Variants in IL1RAP observed in about 807,000 individuals in gnomAD.
The protein encoded by IL1RAP is interleukin 1 receptor accessory protein.
A neutral mutation model predicts 60.7 loss-of-function variants in IL1RAP; 35 were observed. The observed-to-expected ratio is 0.58, with a 90% CI of 0.44 to 0.76. The LOEUF is 0.76. IL1RAP is among the 30% of genes least tolerant of loss of function. The pLI is 0.00. For missense variants in IL1RAP, 572 were observed against 693.9 expected (o/e 0.82, Z 1.97); for synonymous variants, 268 against 250.9 (o/e 1.07, Z -0.64).
chr3:190,544,669 C>G (rs1724220944), intron 1 of IL1RAP, among the ~76,000 whole-genome samples: 1 of 152,140 alleles, frequency 6.6e-6, no homozygotes, highest in Non-Finnish European at 1.5e-5. Context: ...CATTTCCAAA[C>G]TGTGGCAAGG....
intron 2 of IL1RAP, among the ~76,000 whole-genome samples, chr3:190,562,452 C>T (rs1000202292): frequency 2.6e-5 from 4 of 151,854 alleles, no homozygotes; most frequent in Non-Finnish European, 5.9e-5. Context: ...CTTTTTATCT[C>T]TTAAGTGTCT....
rs775480792 is a variant in IL1RAP, at chr3:190,623,341, C to T, written c.704-3C>T. ...TCTCCCTTTTTTATTTCCTCTAACA[C>T]AGGCTCTCCAAAAAATGCAGTGCCC... On this transcript the variant is annotated splice_region_variant and splice_polypyrimidine_tract_variant and intron_variant, in intron 6 of 11. Transcript: ENST00000447382. 6 of 1,610,812 alleles carry T rather than the reference C, an allele frequency of 3.7e-6. No homozygotes were observed. In the Admixed American group the frequency reaches 6.7e-5, roughly 18 times the overall value.
In IL1RAP at chr3:190,604,292, C is replaced by T. The variant is rs1448946594; in HGVS notation, c.229C>T (p.Arg77Trp). ...TLIWYWTRQD[R>W]DLEEPINFRL... ...GATCTGGTATTGGACTAGGCAGGACCGGGACCTTGAGGAGCCAATTAACTT... is the reference window on the plus strand; with the variant it reads ...GATCTGGTATTGGACTAGGCAGGACTGGGACCTTGAGGAGCCAATTAACTT... Residue 77 changes from arginine (R) to tryptophan (W), a missense_variant, in exon 4 of 12, where the codon CGG becomes TGG. Physicochemically the swap from Arg to Trp is moderately radical, Grantham distance 101. Transcript: ENST00000447382. The T allele has an allele frequency of 4.3e-6, 7 of 1,613,758 alleles. No homozygotes were observed. The highest frequency in any genetic ancestry group is 3.3e-5 in the Admixed American group (2 of 59,966).
chr3:190,605,860 A>C (rs1005040094), intron 4 of IL1RAP, among the ~76,000 whole-genome samples: 80 of 152,260 alleles, frequency 5.3e-4, no homozygotes, highest in African/African-American at 1.9e-3. Flanking sequence ...GTCACATTCT[A>C]ATGTACTGTG....
chr3:190,624,148 G>A (rs1476407055), intron 7 of IL1RAP, among the ~76,000 whole-genome samples: 2 of 152,354 alleles, frequency 1.3e-5, no homozygotes, highest in South Asian at 2.1e-4. Context: ...ATTGCAGATA[G>A]CAATCCAGGA....
chr3:190,556,755 C>T (rs1402463295), intron 2 of IL1RAP, among the ~76,000 whole-genome samples: 1 of 152,156 alleles, frequency 6.6e-6, no homozygotes, highest in African/African-American at 2.4e-5. Context: ...AATTTGGGCT[C>T]TTTTTTGTAA....
chr3:190,575,336 T>C (rs1727344941), intron 3 of IL1RAP, among the ~76,000 whole-genome samples: 1 of 152,206 alleles, frequency 6.6e-6, no homozygotes, highest in African/African-American at 2.4e-5. Flanking sequence ...AAAAATTATC[T>C]TTGCCCTCAT....
chr3:190,536,922 T>A (rs1434687135), intron 1 of IL1RAP, among the ~76,000 whole-genome samples: 2 of 152,092 alleles, frequency 1.3e-5, no homozygotes, highest in African/African-American at 4.8e-5. Context: ...AATGAAAGAG[T>A]CTGAGTCTAG....
chr3:190,648,654 G>T lies in IL1RAP; in HGVS notation c.1662G>T (p.Arg554=), dbSNP rs1416695786. 6.2e-7 allele frequency: 1 copy of T among 1,613,958 alleles called. No homozygotes were observed. The highest frequency in any genetic ancestry group is 1.3e-5 in the African/African-American group (1 of 74,902). ...TGCCAGTGAAGAAAAGTCCCAGGCG[G>T]TCTAGCAGTGATGAGCAGGGCCTCT... ...VAMPVKKSPR[R]SSSDEQGLSY... Residue 554 remains arginine, a synonymous_variant, in exon 12 of 12, where the codon CGG becomes CGT. Transcript: ENST00000447382.
At chr3:190,604,512 C>T (rs564428926) in intron 4 of IL1RAP, 99 bp downstream of exon 4, 10 of 1,252,846 alleles carry the variant, frequency 8.0e-6, no homozygotes, top group Admixed American at 4.9e-5. Flanking sequence ...AAGTCGGAAG[C>T]ATTTAGATAG....
chr3:190,565,208 C>T (rs1320153818), intron 3 of IL1RAP, among the ~76,000 whole-genome samples: 2 of 151,334 alleles, frequency 1.3e-5, no homozygotes, highest in African/African-American at 4.8e-5. Flanking sequence ...ACAAAACAAC[C>T]AAAACCTAAT....
At chr3:190,564,629 T>C (rs1407482480) in intron 3 of IL1RAP, 2 of 381,976 alleles carry the variant, frequency 5.2e-6, no homozygotes, top group Non-Finnish European at 9.7e-6. Context: ...CCAACTAGAA[T>C]ATTGCTTTTT....
At chr3:190,522,148 T>C (rs979953224) in intron 1 of IL1RAP, among the ~76,000 whole-genome samples, 1 of 152,084 alleles carries the variant, frequency 6.6e-6, no homozygotes, top group African/African-American at 2.4e-5. Context: ...GGGCAGCAGA[T>C]TGAATGAATA....
chr3:190,642,053 T>A (rs535455063), intron 9 of IL1RAP: 1 of 152,358 alleles, frequency 6.6e-6, no homozygotes, highest in African/African-American at 2.4e-5. Context: ...TTTAGGATAA[T>A]AAAATCAAAA....
intron 1 of IL1RAP, among the ~76,000 whole-genome samples, chr3:190,517,019 G>C (rs1203611903): frequency 6.6e-6 from 1 of 152,190 alleles, no homozygotes; most frequent in Non-Finnish European, 1.5e-5. Flanking sequence ...ATTTACTTCA[G>C]TTATAAAGTT....
intron 9 of IL1RAP, among the ~76,000 whole-genome samples, chr3:190,633,828 T>C (rs1303701376): frequency 1.3e-5 from 2 of 152,206 alleles, no homozygotes; most frequent in African/African-American, 4.8e-5. Context: ...CAAACAGATT[T>C]TTACTTCTTC....
chr3:190,608,759 A>G (rs772156311), intron 4 of IL1RAP, among the ~76,000 whole-genome samples: 8 of 152,306 alleles, frequency 5.3e-5, no homozygotes, highest in Non-Finnish European at 1.0e-4. Flanking sequence ...ACAGGATCAC[A>G]TCTGAAAATA....
intron 3 of IL1RAP, among the ~76,000 whole-genome samples, chr3:190,580,845 G>T (rs1727935561): frequency 6.6e-6 from 1 of 152,150 alleles, no homozygotes; most frequent in South Asian, 2.1e-4. Context: ...CATAAATAGG[G>T]CAGGAGGAAA....
intron 4 of IL1RAP, among the ~76,000 whole-genome samples, chr3:190,606,557 C>A (rs529075273): frequency 7.0e-4 from 106 of 152,324 alleles, no homozygotes; most frequent in African/African-American, 2.2e-3. Context: ...TTACTTACTA[C>A]TTGCCTGTAG....
Sources: allele counts gnomAD v4.1 joint callset (sites outside exome capture counted in the v4.1 genomes callset), GRCh38; gene constraint gnomAD v4.1.1; transcripts MANE v1.5; gene names NCBI Gene and HGNC (gene_info 2026-07-23, HGNC 2026-07-21).